MYO9A: variants seen among roughly 807,000 people sequenced by gnomAD.
The protein encoded by MYO9A is unconventional myosin-IXa.
A neutral mutation model predicts 293.3 loss-of-function variants in MYO9A; 103 were observed. The ratio of observed to expected loss-of-function variants is 0.35; its 90% confidence interval spans 0.30 to 0.41. The LOEUF is 0.41. MYO9A is among the 10% of genes least tolerant of loss of function. The pLI, the probability that MYO9A is intolerant of heterozygous loss-of-function variation, is 1.00. For missense variants in MYO9A, 2,685 were observed against 3,033.0 expected, an observed-to-expected ratio of 0.89 and a Z score of 2.69; for synonymous variants, 1,001 against 1,035.7, an observed-to-expected ratio of 0.97 and a Z score of 0.64.
intron 10 of MYO9A, 112 bp downstream of exon 10, chr15:71,994,357 C>T (rs1160976038): frequency 1.2e-5 from 7 of 578,072 alleles, no homozygotes; most frequent in South Asian, 3.4e-5. Context: ...CAAATAAAAG[C>T]GATTTCTTAC....
chr15:71,845,404 G>C (rs914806710), intron 39 of MYO9A, among the ~76,000 whole-genome samples: 1 of 152,174 alleles, frequency 6.6e-6, no homozygotes, highest in Non-Finnish European at 1.5e-5. Context: ...AGTATTATAT[G>C]TATTATAGTG....
chr15:71,908,595 T>C (rs1343519701), intron 19 of MYO9A, among the ~76,000 whole-genome samples: 3 of 152,198 alleles, frequency 2.0e-5, no homozygotes, highest in Non-Finnish European at 4.4e-5. Flanking sequence ...CTTCCTCCTC[T>C]TACTCCCTGT....
chr15:72,062,355 A>T (rs2078901866), intron 1 of MYO9A, among the ~76,000 whole-genome samples: 1 of 152,176 alleles, frequency 6.6e-6, no homozygotes, highest in Non-Finnish European at 1.5e-5. Context: ...CACCAAACAA[A>T]CTAAATAAGG....
chr15:72,001,677 A>G (rs1223369221), intron 8 of MYO9A, among the ~76,000 whole-genome samples: 1 of 152,270 alleles, frequency 6.6e-6, no homozygotes, highest in East Asian at 1.9e-4. Flanking sequence ...ACAACTTTTA[A>G]CCATACTGAA....
chr15:71,937,981 T>C (rs2058682071), intron 16 of MYO9A, among the ~76,000 whole-genome samples: 1 of 152,096 alleles, frequency 6.6e-6, no homozygotes, highest in African/African-American at 2.4e-5. Flanking sequence ...ACAAAGGACA[T>C]ACAATATAAA....
chr15:72,018,044 T>C (rs1176447948), intron 6 of MYO9A, among the ~76,000 whole-genome samples: 4 of 152,044 alleles, frequency 2.6e-5, no homozygotes, highest in Non-Finnish European at 5.9e-5. Context: ...CTGGACAACA[T>C]AGTGAGACTC....
rs117186237 is a variant in MYO9A at position 71,952,979 on chromosome 15, T to C, written c.2183-1083A>G. ...ATATCCAGAGAATAGGCAGCCATAT[T>C]TGGCAATGGAGAGGGAATCTAATAC... On this transcript the variant is annotated intron_variant, in intron 14 of 41. Coordinates refer to ENST00000356056, the MANE Select transcript of MYO9A (RefSeq NM_006901.4). Among the ~76,000 whole-genome samples, 492 of 152,322 alleles carry C rather than the reference T, an allele frequency of 3.2e-3. 5 individuals are homozygous for C. The highest frequency in any genetic ancestry group is 6.8e-3 in the Middle Eastern group (2 of 294).
At chr15:71,934,869 C>A (rs975831687) in intron 17 of MYO9A, among the ~76,000 whole-genome samples, 12 of 138,338 alleles carry the variant, frequency 8.7e-5, no homozygotes, top group Middle Eastern at 3.7e-3. Context: ...TGTCTTCAAA[C>A]CAACTCTGTA....
At chr15:71,893,266 G>T (rs971553711) in intron 26 of MYO9A, 9 of 1,029,352 alleles carry the variant, frequency 8.7e-6, no homozygotes, top group Non-Finnish European at 1.1e-5. Context: ...ACATCAGAGG[G>T]CTCATGAATT....
At chr15:71,850,565 G>C (rs773316866) in intron 37 of MYO9A, among the ~76,000 whole-genome samples, 13 of 151,676 alleles carry the variant, frequency 8.6e-5, no homozygotes, top group Non-Finnish European at 1.8e-4. Flanking sequence ...AGGAGTTTGA[G>C]ACAATCTTGG....
chr15:72,082,551 T>G (rs1266852265), intron 1 of MYO9A, among the ~76,000 whole-genome samples: 3 of 152,120 alleles, frequency 2.0e-5, no homozygotes, highest in Non-Finnish European at 4.4e-5. Flanking sequence ...CCTTGCCTGA[T>G]TCCTCTGGCC....
intron 1 of MYO9A, among the ~76,000 whole-genome samples, chr15:72,111,674 T>G (rs1370741083): frequency 6.6e-6 from 1 of 151,516 alleles, no homozygotes; most frequent in African/African-American, 2.4e-5. Context: ...TCTCACTCTG[T>G]TGCCCAGCCT....
chr15:71,965,826 T>C (rs962727569), intron 13 of MYO9A, among the ~76,000 whole-genome samples: 2 of 152,170 alleles, frequency 1.3e-5, no homozygotes, highest in African/African-American at 4.8e-5. Context: ...CATTATAAAA[T>C]GTCCCTTTGT....
chr15:71,981,830 T>C (rs1350229544), intron 11 of MYO9A, among the ~76,000 whole-genome samples: 1 of 152,040 alleles, frequency 6.6e-6, no homozygotes, highest in Non-Finnish European at 1.5e-5. Context: ...TCTGGTTTAG[T>C]TTGCTGATCT....
At chr15:71,936,896 T>C (rs1034048623) in intron 16 of MYO9A, among the ~76,000 whole-genome samples, 2 of 151,404 alleles carry the variant, frequency 1.3e-5, no homozygotes, top group East Asian at 1.9e-4. Context: ...TGTGCACTTA[T>C]ATTTTTCTCA....
chr15:72,008,537 G>GTA (rs1024272365), intron 7 of MYO9A, among the ~76,000 whole-genome samples: 37 of 150,744 alleles, frequency 2.5e-4, no homozygotes, highest in African/African-American at 8.8e-4. Flanking sequence ...GCCATGTGGG[G>GTA]TATATTAACC....
At chr15:71,986,744 T>C (rs4777478) in intron 11 of MYO9A, among the ~76,000 whole-genome samples, 30,812 of 152,136 alleles carry the variant, frequency 0.2, 3,334 homozygotes, top group East Asian at 0.41. Context: ...TGTGTTTGTG[T>C]TTTAAATGGC....
At chr15:71,970,403 A>G (rs1182587821) in intron 12 of MYO9A, among the ~76,000 whole-genome samples, 1 of 152,192 alleles carries the variant, frequency 6.6e-6, no homozygotes, top group Non-Finnish European at 1.5e-5. Context: ...CTACAAACAC[A>G]CTGCATGAAG....
Position 72,027,714 on chromosome 15 carries a change from CA to C in MYO9A, c.998+16del. 1 of 1,581,342 alleles carries C rather than the reference CA, an allele frequency of 6.3e-7. No homozygotes were observed. The highest frequency in any genetic ancestry group is 8.6e-7 in the Non-Finnish European group (1 of 1,161,622). ...CAAATGTTAACTTCATCTAATTACA[CA>C]AATAAAAATACGTACCGTTCATTAT... On this transcript the variant is annotated intron_variant, in intron 4 of 41. Transcript: ENST00000356056.
Sources: gnomAD v4.1 joint callset for allele counts (sites outside exome capture counted in the v4.1 genomes callset) on GRCh38, gnomAD v4.1.1 for gene constraint, MANE v1.5 for transcripts, NCBI Gene and HGNC (gene_info 2026-07-23, HGNC 2026-07-21) for gene names.